The following FRMD4B variants were observed in gnomAD, a reference collection of about 807,000 sequenced individuals.
The protein encoded by FRMD4B is FERM domain-containing protein 4B.
In FRMD4B, 74 loss-of-function variants were observed where a neutral mutation model predicts 141.5. The ratio of observed to expected loss-of-function variants is 0.52; its 90% CI spans 0.43 to 0.63. The LOEUF (loss-of-function observed/expected upper bound fraction) is 0.63, where lower values mean the gene tolerates loss of function less well. Ranked by LOEUF, FRMD4B falls within the 30% of genes least tolerant of loss-of-function variation. The probability of loss-of-function intolerance (pLI) is 0.00; values close to 1 mark genes in which losing one functional copy is unlikely to be tolerated. For synonymous variants in FRMD4B, 506 were observed against 467.9 expected (o/e 1.08, Z -1.05); for missense variants, 1,366 against 1,253.4 (o/e 1.09, Z -1.36).
intron 1 of FRMD4B, among the ~76,000 whole-genome samples, chr3:69,515,698 T>C (rs1024377793): frequency 2.8e-4 from 43 of 152,092 alleles, no homozygotes; most frequent in Non-Finnish European, 1.3e-4. Flanking sequence ...AGAATATGTA[T>C]CTAAAGATTT....
chr3:69,467,442 C>T lies in FRMD4B; in HGVS notation c.-128-34681G>A, dbSNP rs78329817. Among the ~76,000 whole-genome samples the T allele has an allele frequency of 4.4e-3, 672 of 152,272 alleles. 27 individuals carry two copies. In the East Asian group the frequency reaches 0.096, roughly 22 times the overall value. ...TTTGTGAATTGGCTATGGAGATTCA[C>T]AGCCAGTAGAGACCTAGGTTCAAAA... On this transcript the variant is annotated intron_variant, in intron 1 of 5. Transcript: ENST00000459638.
At chr3:69,271,930 G>A (rs1409384307) in intron 5 of FRMD4B, among the ~76,000 whole-genome samples, 1 of 152,050 alleles carries the variant, frequency 6.6e-6, no homozygotes, top group Non-Finnish European at 1.5e-5. Context: ...AGCCGAGATT[G>A]TGCCACTGCA....
intron 21 of FRMD4B, among the ~76,000 whole-genome samples, chr3:69,178,867 G>T (rs2092676892): frequency 6.6e-6 from 1 of 151,180 alleles, no homozygotes; most frequent in South Asian, 2.1e-4. Context: ...CATTAAATAG[G>T]AGAGTGCATG....
intron 11 of FRMD4B, among the ~76,000 whole-genome samples, chr3:69,202,647 G>A (rs1345626258): frequency 6.6e-6 from 1 of 152,092 alleles, no homozygotes; most frequent in African/African-American, 2.4e-5. Context: ...TGAACACTAT[G>A]TTGTTTTTAG....
intron 11 of FRMD4B, among the ~76,000 whole-genome samples, chr3:69,208,315 CGGCCTCCCAAAGTGCT>C (rs1254114069): frequency 1.3e-5 from 2 of 152,086 alleles, no homozygotes; most frequent in African/African-American, 2.4e-5. Flanking sequence ...CTACCCACCT[CGGCCTCCCAAAGTGCT>C]GGGATTATAG....
intron 17 of FRMD4B, among the ~76,000 whole-genome samples, chr3:69,190,772 C>T (rs2092826824): frequency 6.6e-6 from 1 of 152,148 alleles, no homozygotes; most frequent in Non-Finnish European, 1.5e-5. Context: ...CTGGATAATC[C>T]TTTGTCCTGG....
intron 1 of FRMD4B, among the ~76,000 whole-genome samples, chr3:69,354,437 G>A (rs1193076806): frequency 1.3e-5 from 2 of 152,134 alleles, no homozygotes; most frequent in African/African-American, 4.8e-5. Flanking sequence ...TTTTGCTCAG[G>A]AGTATGGTAT....
intron 1 of FRMD4B, among the ~76,000 whole-genome samples, chr3:69,496,791 T>C (rs915540507): frequency 1.3e-4 from 20 of 152,180 alleles, no homozygotes; most frequent in African/African-American, 4.8e-4. Flanking sequence ...CTTAAGTCGC[T>C]ATGGGCTATT....
intron 2 of FRMD4B, among the ~76,000 whole-genome samples, chr3:69,425,248 T>C (rs1705056634): frequency 6.6e-6 from 1 of 152,222 alleles, no homozygotes; most frequent in South Asian, 2.1e-4. Context: ...AGAAAGGACA[T>C]GCAGTAAATG....
At chr3:69,421,618 C>A (rs1704979550) in intron 2 of FRMD4B, among the ~76,000 whole-genome samples, 1 of 152,204 alleles carries the variant, frequency 6.6e-6, no homozygotes, top group African/African-American at 2.4e-5. Context: ...GTCCCATAAG[C>A]TAGTCACTAG....
chr3:69,408,022 G>A (rs1347965161), intron 2 of FRMD4B, among the ~76,000 whole-genome samples: 4 of 152,108 alleles, frequency 2.6e-5, no homozygotes, highest in Non-Finnish European at 5.9e-5. Flanking sequence ...AGTCTCAATT[G>A]TAGCTACTTA....
intron 7 of FRMD4B, among the ~76,000 whole-genome samples, chr3:69,233,183 G>C (rs2093322416): frequency 6.6e-6 from 1 of 151,932 alleles, no homozygotes; most frequent in Non-Finnish European, 1.5e-5. Context: ...CTAAACCTAA[G>C]CTGTTTAGAA....
At chr3:69,194,677 G>A (rs1222133087) in intron 16 of FRMD4B, among the ~76,000 whole-genome samples, 1 of 152,164 alleles carries the variant, frequency 6.6e-6, no homozygotes, top group Non-Finnish European at 1.5e-5. Context: ...TGAGGCCTGA[G>A]AAATGAGACT....
chr3:69,528,980 C>A (rs1575601866), intron 1 of FRMD4B, among the ~76,000 whole-genome samples: 1 of 152,140 alleles, frequency 6.6e-6, no homozygotes, highest in African/African-American at 2.4e-5. Context: ...GATGCTAATT[C>A]CCCTGCATTT....
chr3:69,502,924 A>T (rs1364251168), intron 1 of FRMD4B, among the ~76,000 whole-genome samples: 1 of 152,250 alleles, frequency 6.6e-6, no homozygotes, highest in Non-Finnish European at 1.5e-5. Context: ...GCCAACAGAC[A>T]CATGAAAAAA....
chr3:69,318,466 G>A (rs1385371827), intron 1 of FRMD4B, among the ~76,000 whole-genome samples: 2 of 152,180 alleles, frequency 1.3e-5, no homozygotes, highest in African/African-American at 4.8e-5. Flanking sequence ...CATCTGGGGA[G>A]GGGGCATGAA....
chr3:69,292,931 G>T (rs1339882543), intron 4 of FRMD4B: 1 of 378,280 alleles, frequency 2.6e-6, no homozygotes, highest in East Asian at 8.6e-5. Flanking sequence ...GCTTCGGAAA[G>T]AACCCAGGCT....
At chr3:69,246,038 T>C (rs1344665102) in intron 7 of FRMD4B, among the ~76,000 whole-genome samples, 1 of 152,046 alleles carries the variant, frequency 6.6e-6, no homozygotes, top group African/African-American at 2.4e-5. Flanking sequence ...GGTTTCTCCA[T>C]GTTGGCCAGG....
chr3:69,280,809 G>A (rs550891725), intron 5 of FRMD4B, among the ~76,000 whole-genome samples: 1 of 151,888 alleles, frequency 6.6e-6, no homozygotes, highest in African/African-American at 2.4e-5. Flanking sequence ...TTGTAGAGAT[G>A]GAGTTCACTA....
Sources: gnomAD v4.1 joint callset for allele counts (sites outside exome capture counted in the v4.1 genomes callset) on GRCh38, gnomAD v4.1.1 for gene constraint, MANE v1.5 for transcripts, NCBI Gene and HGNC (gene_info 2026-07-23, HGNC 2026-07-21) for gene names.